The following IPO7 variants were observed in gnomAD, a reference collection of about 807,000 sequenced individuals.
IPO7 encodes importin 7.
A neutral mutation model predicts 136.4 loss-of-function variants in IPO7; 13 were observed. That is an observed-to-expected ratio of 0.10 (90% CI 0.06 to 0.15). The LOEUF is 0.15. Ranked by LOEUF, IPO7 falls within the 10% of genes least tolerant of loss-of-function variation. The probability of loss-of-function intolerance (pLI) is 1.00; values close to 1 mark genes in which losing one functional copy is unlikely to be tolerated. For missense variants in IPO7, 857 were observed against 1,240.6 expected, an observed-to-expected ratio of 0.69 and a Z score of 4.65; for synonymous variants, 403 against 404.4, an observed-to-expected ratio of 1.00 and a Z score of 0.04.
chr11:9,440,065 T>C (rs900984913), intron 22 of IPO7, among the ~76,000 whole-genome samples: 3 of 152,346 alleles, frequency 2.0e-5, no homozygotes, highest in African/African-American at 7.2e-5. Flanking sequence ...AGTGTATAAA[T>C]TGATAAAATA....
At chr11:9,387,875 T>C (rs1305447216) in intron 1 of IPO7, among the ~76,000 whole-genome samples, 1 of 150,146 alleles carries the variant, frequency 6.7e-6, no homozygotes, top group African/African-American at 2.5e-5. Flanking sequence ...TGGCTGGGCA[T>C]GGTGGCTCAT....
chr11:9,401,466 G>C (rs1854794712), intron 1 of IPO7, among the ~76,000 whole-genome samples: 1 of 151,746 alleles, frequency 6.6e-6, no homozygotes, highest in African/African-American at 2.4e-5. Context: ...ACTAAGGCAG[G>C]AGCTCCTGAG....
chr11:9,385,665 G>A (rs1854542425), intron 1 of IPO7, among the ~76,000 whole-genome samples: 1 of 152,064 alleles, frequency 6.6e-6, no homozygotes, highest in Admixed American at 6.6e-5. Context: ...ATAATGTTAA[G>A]TCTGAGTGCC....
intron 13 of IPO7, 52 bp downstream of exon 13, chr11:9,428,681 T>A (rs534205810): frequency 1.1e-5 from 11 of 961,462 alleles, no homozygotes; most frequent in East Asian, 9.6e-5. Flanking sequence ...AATGAATGAC[T>A]CTGTGGACTT....
At chr11:9,384,882 G>C in intron 1 of IPO7, 35 bp downstream of exon 1, 1 of 1,537,030 alleles carries the variant, frequency 6.5e-7, no homozygotes, top group Non-Finnish European at 8.8e-7. Flanking sequence ...CGGCGGGCAG[G>C]CGGGTGGGCA....
chr11:9,425,053 T>C, intron 11 of IPO7, 63 bp downstream of exon 11: 1 of 1,320,820 alleles, frequency 7.6e-7, no homozygotes. Context: ...AACTATACAC[T>C]TTTTAAATGT....
rs1854920892 is a variant in IPO7 at position 9,408,577 on chromosome 11, A to T, written c.258A>T (p.Glu86Asp). Residue 86 changes from glutamate to aspartate, a missense_variant, in exon 3 of 25, where the codon GAA becomes GAT. Around this residue, in one of 11 missense-constraint regions of IPO7, gnomAD observed 287 missense variants for 307.5 expected, o/e 0.93. Coordinates refer to ENST00000379719, the MANE Select transcript of IPO7 (RefSeq NM_006391.3). Reference sequence around the variant, plus strand: ...TATCCCCTTATACTATTCCAGAAGAAGATCGCCATTGTATTCGAGAAAATA... The same window carrying T: ...TATCCCCTTATACTATTCCAGAAGATGATCGCCATTGTATTCGAGAAAATA... ...GDISPYTIPE[E>D]DRHCIRENIV... 1 of 1,611,324 alleles carries T rather than the reference A, an allele frequency of 6.2e-7. No homozygotes were observed. Among genetic ancestry groups the T allele is most frequent in the Non-Finnish European group, 8.5e-7 (1 of 1,178,342 alleles).
rs774533201 is a variant in IPO7 at position 9,384,853 on chromosome 11, G to C, written c.84+6G>C. 6.9e-5 allele frequency: 109 copies of C among 1,590,912 alleles called. No homozygotes were observed. In the Admixed American group the frequency reaches 1.9e-3, roughly 27 times the overall value. On this transcript the variant is annotated splice_donor_region_variant and intron_variant, in intron 1 of 24. Transcript: ENST00000379719. ...CGGAGCGCCAGCTCAATGAAGTAAGGACGCCCGGCTAGCGGTGGCGGCGGG... is the reference window on the plus strand; with the variant it reads ...CGGAGCGCCAGCTCAATGAAGTAAGCACGCCCGGCTAGCGGTGGCGGCGGG...
intron 24 of IPO7, among the ~76,000 whole-genome samples, chr11:9,444,619 A>T (rs554056128): frequency 4.6e-5 from 7 of 151,738 alleles, no homozygotes; most frequent in Admixed American, 2.0e-4. Flanking sequence ...GGATCACTTG[A>T]GGTCGGGAGT....
chr11:9,425,467 G>C, intron 12 of IPO7: 1 of 520,396 alleles, frequency 1.9e-6, no homozygotes, highest in Non-Finnish European at 3.4e-6. Context: ...TAGGCCGGGT[G>C]TGGTGGCTTA....
chr11:9,438,613 A>C (rs1351082668), intron 22 of IPO7, among the ~76,000 whole-genome samples: 1 of 152,052 alleles, frequency 6.6e-6, no homozygotes, highest in African/African-American at 2.4e-5. Flanking sequence ...TAACAGAACG[A>C]GACTCCATCT....
intron 4 of IPO7, among the ~76,000 whole-genome samples, chr11:9,410,474 A>G (rs1242138883): frequency 6.6e-6 from 1 of 152,100 alleles, no homozygotes; most frequent in Non-Finnish European, 1.5e-5. Flanking sequence ...GTGAATTTTT[A>G]TCTTAATTTA....
chr11:9,391,421 G>T (rs1854631631), intron 1 of IPO7, among the ~76,000 whole-genome samples: 4 of 150,572 alleles, frequency 2.7e-5, no homozygotes, highest in Admixed American at 2.7e-4. Context: ...TAAAATAAAA[G>T]TTCTGGCCGG....
Position 9,413,025 on chromosome 11 carries a change from G to A in IPO7, c.480-1230G>A, listed in dbSNP as rs1160080096. Among the ~76,000 whole-genome samples the A allele has an allele frequency of 3.3e-5, 5 of 151,062 alleles. No homozygotes were observed. The South Asian group carries it at 6.3e-4, about 19-fold the overall frequency. On this transcript the variant is annotated intron_variant, in intron 4 of 24. Coordinates refer to ENST00000379719, the MANE Select transcript of IPO7 (RefSeq NM_006391.3). ...CTCCCGAGTAGCTGGGACTATAGGC[G>A]CCCGCCACCACGCCCAGCTAATTTT...
intron 19 of IPO7, among the ~76,000 whole-genome samples, chr11:9,435,819 C>G (rs1039340435): frequency 2.0e-5 from 3 of 152,174 alleles, no homozygotes; most frequent in Admixed American, 6.5e-5. Context: ...TTCCTCCCTC[C>G]GTTCCTCTCT....
intron 18 of IPO7, 36 bp from the exon 19 acceptor site, chr11:9,434,898 C>A: frequency 7.6e-7 from 1 of 1,322,854 alleles, no homozygotes; most frequent in South Asian, 1.2e-5. Flanking sequence ...ATTTGTGTTA[C>A]TAAAGATGTG....
At position 9,425,006 on chromosome 11, in the gene IPO7, G is replaced by A; in HGVS notation, c.1218+16G>A. The stretch of plus-strand genomic sequence containing the variant: ...GAGGAAAGAGGTAGGCTTATTTAAT[G>A]TTTAGATAACTTTTCTGTATTATTT... On this transcript the variant is annotated intron_variant, in intron 11 of 24. Transcript: ENST00000379719. The A allele has an allele frequency of 2.0e-6, 3 of 1,506,930 alleles. No individual in the cohort carries two copies. Among genetic ancestry groups the A allele is most frequent in the Non-Finnish European group, 2.7e-6 (3 of 1,094,174 alleles). The allele number at this position is 1,506,930 out of a possible 1,614,324, so 93.3% of individuals were successfully genotyped here.
At chr11:9,405,542 C>T (rs1344086365) in intron 2 of IPO7, among the ~76,000 whole-genome samples, 2 of 152,154 alleles carry the variant, frequency 1.3e-5, no homozygotes, top group African/African-American at 4.8e-5. Context: ...CCCACCTCAG[C>T]CTCCTGAGTA....
At chr11:9,429,004 C>T (rs1013073456) in intron 13 of IPO7, 27 bp from the exon 14 acceptor site, 7 of 1,600,276 alleles carry the variant, frequency 4.4e-6, no homozygotes, top group African/African-American at 1.3e-5. Context: ...AAGGTATCTA[C>T]AGTAACTCAC....
Sources: allele counts gnomAD v4.1 joint callset (sites outside exome capture counted in the v4.1 genomes callset), GRCh38; gene constraint gnomAD v4.1.1; regional missense constraint gnomAD v4.1.1; transcripts MANE v1.5; gene names NCBI Gene and HGNC (gene_info 2026-07-23, HGNC 2026-07-21).